STAM: variants seen among roughly 807,000 people sequenced by gnomAD.
STAM encodes the protein signal transducing adaptor molecule.
STAM carries 16 observed loss-of-function variants against 63.4 expected under a neutral mutation model. The observed-to-expected ratio is 0.25, with a 90% CI of 0.17 to 0.38. The LOEUF (loss-of-function observed/expected upper bound fraction) is 0.38. STAM is among the 10% of genes least tolerant of loss of function. The pLI, the probability that STAM is intolerant of heterozygous loss-of-function variation, is 1.00. For missense variants in STAM, 636 were observed against 657.1 expected (o/e 0.97, Z 0.35); for synonymous variants, 238 against 223.9 (o/e 1.06, Z -0.56).
At position 17,715,935 on chromosome 10, in the gene STAM, G is replaced by A. The variant is rs556965884; in HGVS notation, c.*1155G>A. The A allele has an allele frequency of 3.3e-5, 5 of 152,594 alleles. No homozygotes were observed. The highest frequency in any genetic ancestry group is 6.5e-5 in the Admixed American group (1 of 15,286). 9.5% of individuals were successfully genotyped at this position (152,594 alleles called of 1,614,324 possible). A position where few individuals can be genotyped will look rare whatever the true frequency, so the allele number is the denominator to read the frequency against. On this transcript the variant is annotated 3_prime_UTR_variant, in exon 14 of 14. Coordinates refer to ENST00000377524, the MANE Select transcript of STAM (RefSeq NM_003473.4). ...ATCTACATTCCTGGCTTTGCTTAAC[G>A]TTTATATAGGTATTGTTTTCTTTCA...
At chr10:17,682,309 C>T (rs1442742624) in intron 2 of STAM, among the ~76,000 whole-genome samples, 4 of 152,066 alleles carry the variant, frequency 2.6e-5, no homozygotes, top group Non-Finnish European at 5.9e-5. Flanking sequence ...TATCAATATT[C>T]CTGTTTCTTG....
At chr10:17,662,163 C>T (rs1554822964) in intron 2 of STAM, among the ~76,000 whole-genome samples, 1 of 152,138 alleles carries the variant, frequency 6.6e-6, no homozygotes, top group African/African-American at 2.4e-5. Context: ...CCCTACCTTC[C>T]ATACTGAGTT....
At chr10:17,712,411 C>T (rs1055614179) in intron 13 of STAM, among the ~76,000 whole-genome samples, 1 of 152,200 alleles carries the variant, frequency 6.6e-6, no homozygotes, top group Admixed American at 6.5e-5. Flanking sequence ...CTTTATATCT[C>T]ACACATATGG....
intron 2 of STAM, among the ~76,000 whole-genome samples, chr10:17,675,834 C>A (rs189418428): frequency 6.6e-6 from 1 of 151,878 alleles, no homozygotes; most frequent in Non-Finnish European, 1.5e-5. Flanking sequence ...ATTTTTATGG[C>A]GGTGATTCAC....
chr10:17,686,543 G>A (rs1835303640), intron 4 of STAM, among the ~76,000 whole-genome samples: 3 of 151,938 alleles, frequency 2.0e-5, no homozygotes, highest in Admixed American at 1.3e-4. Context: ...CGCCTGGCTG[G>A]TTTTTGTAGT....
chr10:17,659,973 T>G (rs1294314874), intron 1 of STAM, among the ~76,000 whole-genome samples: 1 of 152,130 alleles, frequency 6.6e-6, no homozygotes, highest in Non-Finnish European at 1.5e-5. Context: ...TCTGAACACT[T>G]AAATACGTTT....
intron 2 of STAM, among the ~76,000 whole-genome samples, chr10:17,662,212 A>G (rs1834200564): frequency 6.6e-6 from 1 of 150,964 alleles, no homozygotes; most frequent in South Asian, 2.1e-4. Context: ...ATGCATTTTC[A>G]TTTTTTTCCC....
intron 5 of STAM, among the ~76,000 whole-genome samples, chr10:17,692,049 G>A (rs1419201532): frequency 1.3e-5 from 2 of 152,180 alleles, no homozygotes; most frequent in Non-Finnish European, 2.9e-5. Context: ...GGAATCACAT[G>A]TGTTAATTTA....
Position 17,714,620 on chromosome 10 carries a change from C to T in STAM, c.1463C>T (p.Ala488Val). Residue 488 changes from alanine to valine, a missense_variant, in exon 14 of 14, where the codon GCT becomes GTT. By Grantham distance (64) the Ala-to-Val change is moderately conservative (BLOSUM62 0). This residue lies in a region of STAM where 532 missense variants were observed against 536.9 expected (regional missense o/e 0.99). Coordinates refer to ENST00000377524, the MANE Select transcript of STAM (RefSeq NM_003473.4). ...PVYSPPPAAT[A>V]AAATADVTLY... is the part of the protein sequence containing the mutation. ...TATAGTCCTCCTCCTGCCGCTACTGCTGCTGCTGCAACTGCCGATGTCACT... is the reference window on the plus strand; with the variant it reads ...TATAGTCCTCCTCCTGCCGCTACTGTTGCTGCTGCAACTGCCGATGTCACT... 1 of 1,614,150 alleles carries T rather than the reference C, an allele frequency of 6.2e-7. No individual in the cohort carries two copies. The highest frequency in any genetic ancestry group is 8.5e-7 in the Non-Finnish European group (1 of 1,180,002).
At chr10:17,698,015 T>C (rs1835836923) in intron 8 of STAM, among the ~76,000 whole-genome samples, 1 of 152,152 alleles carries the variant, frequency 6.6e-6, no homozygotes, top group Admixed American at 6.5e-5. Context: ...TACATATTTA[T>C]AGAATAAATG....
At chr10:17,647,770 A>C (rs1833575432) in intron 1 of STAM, among the ~76,000 whole-genome samples, 1 of 152,192 alleles carries the variant, frequency 6.6e-6, no homozygotes, top group Non-Finnish European at 1.5e-5. Context: ...CTTTTTATTA[A>C]GTAAGATTTT....
intron 8 of STAM, among the ~76,000 whole-genome samples, chr10:17,698,676 G>T (rs1181281645): frequency 6.6e-6 from 1 of 151,914 alleles, no homozygotes; most frequent in African/African-American, 2.4e-5. Context: ...CTTGCTTTTG[G>T]TTTGGAGATA....
intron 2 of STAM, among the ~76,000 whole-genome samples, chr10:17,661,556 C>T (rs1022198775): frequency 6.6e-5 from 10 of 152,258 alleles, no homozygotes; most frequent in East Asian, 5.8e-4. Flanking sequence ...TTCTGGATAT[C>T]GTTCTATATA....
intron 8 of STAM, among the ~76,000 whole-genome samples, chr10:17,698,799 A>G (rs1835869074): frequency 6.6e-6 from 1 of 152,226 alleles, no homozygotes; most frequent in African/African-American, 2.4e-5. Context: ...TTGCGCGTCA[A>G]GAGCTGTTAG....
chr10:17,704,377 A>T (rs781835507), intron 9 of STAM, 54 bp from the exon 10 acceptor site: 2 of 1,469,598 alleles, frequency 1.4e-6, no homozygotes, highest in Non-Finnish European at 1.9e-6. Flanking sequence ...AAGTGAAAAC[A>T]TAAAGTTGCC....
At chr10:17,669,122 T>C (rs1834521550) in intron 2 of STAM, among the ~76,000 whole-genome samples, 1 of 152,234 alleles carries the variant, frequency 6.6e-6, no homozygotes, top group Admixed American at 6.5e-5. Flanking sequence ...GTATGAAGTA[T>C]GGTTCTAACT....
chr10:17,684,690 T>C lies in STAM; in HGVS notation c.141T>C (p.Leu47=). The change falls in exon 3 of 14, where the codon CTT becomes CTC. Residue 47 remains leucine, a synonymous_variant. Coordinates refer to ENST00000377524, the MANE Select transcript of STAM (RefSeq NM_003473.4). ...GQSRTGPKDC[L]RSIMRRVNHK... ...ATTTTTTTAGACCTAAGGATTGTCT[T>C]CGGTCTATTATGAGAAGAGTGAACC... 1 of 1,613,246 alleles carries C rather than the reference T, an allele frequency of 6.2e-7. No individual in the cohort carries two copies. Among genetic ancestry groups the C allele is most frequent in the Non-Finnish European group, 8.5e-7 (1 of 1,179,758 alleles).
At chr10:17,676,993 G>A (rs1834884063) in intron 2 of STAM, among the ~76,000 whole-genome samples, 1 of 152,124 alleles carries the variant, frequency 6.6e-6, no homozygotes. Flanking sequence ...GTTCATAATA[G>A]TGGTTAAGTT....
At chr10:17,656,297 A>C (rs1303944949) in intron 1 of STAM, among the ~76,000 whole-genome samples, 6 of 151,360 alleles carry the variant, frequency 4.0e-5, no homozygotes, top group Admixed American at 2.6e-4. Context: ...CCGTCTTAAA[A>C]AAAAAAAAAA....
Sources: allele counts gnomAD v4.1 joint callset (sites outside exome capture counted in the v4.1 genomes callset), GRCh38; gene constraint gnomAD v4.1.1; regional missense constraint gnomAD v4.1.1; transcripts MANE v1.5; gene names NCBI Gene and HGNC (gene_info 2026-07-23, HGNC 2026-07-21).